Variants in PCDHGB3 observed in about 807,000 individuals in gnomAD.
PCDHGB3 encodes protocadherin gamma subfamily B, 3, also known as protocadherin gamma-B3.
A neutral mutation model predicts 59.2 loss-of-function variants in PCDHGB3; 40 were observed. That is an observed-to-expected ratio of 0.68 (90% confidence interval 0.52 to 0.88). PCDHGB3 has a LOEUF of 0.88. PCDHGB3 is among the 40% of genes least tolerant of loss of function. PCDHGB3 has a pLI of 0.00. For synonymous variants in PCDHGB3, 581 were observed against 503.6 expected (o/e 1.15, Z -2.06); for missense variants, 1,309 against 1,187.9 (o/e 1.10, Z -1.50).
chr5:141,423,630 T>C, intron 1 of PCDHGB3: 1 of 1,603,994 alleles, frequency 6.2e-7, no homozygotes, highest in Non-Finnish European at 8.5e-7. Flanking sequence ...CAGCTATCAT[T>C]TTAGGCAAAT....
At chr5:141,374,181 A>G (rs765792921) in intron 1 of PCDHGB3, 14 of 1,613,530 alleles carry the variant, frequency 8.7e-6, no homozygotes, top group African/African-American at 2.7e-5. Flanking sequence ...CAGATCCGCT[A>G]CTCTATTCCC....
At chr5:141,438,585 TAC>T (rs1561889967) in intron 1 of PCDHGB3, among the ~76,000 whole-genome samples, 141 of 61,160 alleles carry the variant, frequency 2.3e-3, no homozygotes, top group South Asian at 4.3e-3. Flanking sequence ...CATACATACA[TAC>T]ATACATATAT....
intron 3 of PCDHGB3, 79 bp downstream of exon 3, chr5:141,505,560 G>A: frequency 6.2e-7 from 1 of 1,604,768 alleles, no homozygotes; most frequent in South Asian, 1.1e-5. Context: ...CATGCCCACG[G>A]ACTGGATGTC....
In PCDHGB3 at chr5:141,370,450, T is replaced by A. The variant is rs1472088781; in HGVS notation, c.56T>A (p.Leu19His). The change falls in exon 1 of 4, where the codon CTC (leucine) becomes CAC (histidine). Residue 19 changes from leucine to histidine, a missense_variant. Transcript: ENST00000576222. The stretch of plus-strand genomic sequence containing the variant: ...GCAGGGCAGAGGCGAATGCTATTTC[T>A]CTTCCTGCTCTCTTTGTTAGACCAG... ...GPAGQRRMLFLFLLSLLDQAL... is the reference protein window; with the variant it reads ...GPAGQRRMLFHFLLSLLDQAL... 2.5e-6 allele frequency: 4 copies of A among 1,609,450 alleles called. No homozygotes were observed. The African/African-American group carries it at 5.4e-5, about 22-fold the overall frequency.
At position 141,460,491 on chromosome 5, in the gene PCDHGB3, A is replaced by G. The variant is rs544539917; in HGVS notation, c.2416-34316A>G. Among the ~76,000 whole-genome samples, 240 of 152,272 alleles carry G rather than the reference A, an allele frequency of 1.6e-3. 1 individual carries two copies. Among genetic ancestry groups the G allele is most frequent in the Non-Finnish European group, 2.6e-3 (177 of 68,014 alleles). On this transcript the variant is annotated intron_variant, in intron 1 of 3. Transcript: ENST00000576222. ...AAGGAATATCCAATTGTCTCTTTGG[A>G]AAAATATGCTGAGAAGGCTATCTTT...
At chr5:141,462,157 A>C (rs1232551906) in intron 1 of PCDHGB3, among the ~76,000 whole-genome samples, 1 of 151,394 alleles carries the variant, frequency 6.6e-6, no homozygotes, top group African/African-American at 2.4e-5. Flanking sequence ...ATGGGGTTTC[A>C]TCATGTTGGC....
intron 1 of PCDHGB3, among the ~76,000 whole-genome samples, chr5:141,470,664 G>A (rs1308061207): frequency 6.6e-6 from 1 of 151,882 alleles, no homozygotes; most frequent in Non-Finnish European, 1.5e-5. Context: ...CTTTGGTTAG[G>A]GCTCTGCTGT....
At chr5:141,447,520 T>C (rs1156521785) in intron 1 of PCDHGB3, among the ~76,000 whole-genome samples, 1 of 152,202 alleles carries the variant, frequency 6.6e-6, no homozygotes, top group Non-Finnish European at 1.5e-5. Context: ...ATAACAATCA[T>C]AACAAAATTG....
chr5:141,426,766 T>C (rs2096958771), intron 1 of PCDHGB3: 1 of 456,532 alleles, frequency 2.2e-6, no homozygotes, highest in South Asian at 1.5e-5. Flanking sequence ...GATGCAGATG[T>C]AGGGCCTCAC....
At position 141,489,385 on chromosome 5, in the gene PCDHGB3, G is replaced by C. The variant is rs893348832; in HGVS notation, c.2416-5422G>C. The stretch of plus-strand genomic sequence containing the variant: ...GCCGGGGACGCTGGTGGGGAATGTT[G>C]CTCAGGATCTGGGCTTAAAGATGAC... On this transcript the variant is annotated intron_variant, in intron 1 of 3. Transcript: ENST00000576222. This position sits in a 1 kb window ranked among gnomAD's most constrained non-coding sequence, Gnocchi z 4.5. The C allele has an allele frequency of 6.2e-7, 1 of 1,613,924 alleles. No individual in the cohort carries two copies. Among genetic ancestry groups the C allele is most frequent in the Non-Finnish European group, 8.5e-7 (1 of 1,179,896 alleles).
At chr5:141,385,452 G>C in intron 1 of PCDHGB3, 2 of 1,446,532 alleles carry the variant, frequency 1.4e-6, no homozygotes, top group Non-Finnish European at 1.8e-6. Context: ...GAGTTTACCA[G>C]TTTCCTTCAG....
At chr5:141,450,134 G>A (rs1267554616) in intron 1 of PCDHGB3, among the ~76,000 whole-genome samples, 1 of 151,424 alleles carries the variant, frequency 6.6e-6, no homozygotes, top group East Asian at 2.0e-4. Context: ...AGCCTCCTGA[G>A]TAGCTGGGAC....
chr5:141,413,381 G>A, intron 1 of PCDHGB3: 1 of 1,613,946 alleles, frequency 6.2e-7, no homozygotes, highest in Non-Finnish European at 8.5e-7. Flanking sequence ...CGCGGAGTCC[G>A]CATAGTCTCC....
At chr5:141,454,871 G>A (rs1337911223) in intron 1 of PCDHGB3, among the ~76,000 whole-genome samples, 2 of 129,030 alleles carry the variant, frequency 1.6e-5, no homozygotes, top group Non-Finnish European at 3.1e-5. Context: ...GCAGTGGCAC[G>A]ATCTTGGCTC....
rs1227250624 is a variant in PCDHGB3, at chr5:141,409,019, G to A, written c.2415+36210G>A. 4 of 1,613,996 alleles carry A rather than the reference G, an allele frequency of 2.5e-6. 1 individual carries two copies. Among genetic ancestry groups the A allele is most frequent in the Middle Eastern group, 3.3e-4 (2 of 6,062 alleles). On this transcript the variant is annotated intron_variant, in intron 1 of 3. Coordinates refer to ENST00000576222, the MANE Select transcript of PCDHGB3 (RefSeq NM_018924.5). ...GACAGCCACTGACCAGGATGAGGGG[G>A]TCAATGCTGAGATAAACTACTACTT...
chr5:141,389,001 G>T (rs1313177903), intron 1 of PCDHGB3: 1 of 1,614,018 alleles, frequency 6.2e-7, no homozygotes, highest in Non-Finnish European at 8.5e-7. Context: ...CCGTGACAAG[G>T]ATTCCAGACA....
intron 1 of PCDHGB3, among the ~76,000 whole-genome samples, chr5:141,435,921 C>T (rs767290430): frequency 1.3e-5 from 2 of 152,186 alleles, no homozygotes; most frequent in Admixed American, 6.5e-5. Context: ...CTCTAAAATG[C>T]GGCAGTTGCT....
intron 1 of PCDHGB3, among the ~76,000 whole-genome samples, chr5:141,430,066 G>A (rs550834063): frequency 4.1e-4 from 62 of 152,102 alleles, no homozygotes; most frequent in Non-Finnish European, 8.4e-4. Flanking sequence ...TCATTTTTAG[G>A]TTTCCATAAT....
chr5:141,426,772 C>T, intron 1 of PCDHGB3: 1 of 456,686 alleles, frequency 2.2e-6, no homozygotes, highest in South Asian at 1.5e-5. Context: ...GATGTAGGGC[C>T]TCACTCTCTC....
Sources: allele counts gnomAD v4.1 joint callset (sites outside exome capture counted in the v4.1 genomes callset), GRCh38; gene constraint gnomAD v4.1.1; non-coding constraint Gnocchi (gnomAD v3.1); transcripts MANE v1.5; gene names NCBI Gene and HGNC (gene_info 2026-07-23, HGNC 2026-07-21).